Variants in FGF1 observed in about 807,000 individuals in gnomAD.
FGF1 encodes fibroblast growth factor 1, also known as beta-endothelial cell growth factor.
FGF1 carries 9 observed loss-of-function variants against 13.4 expected under a neutral mutation model. The ratio of observed to expected loss-of-function variants is 0.67; its 90% CI spans 0.40 to 1.17. The LOEUF (loss-of-function observed/expected upper bound fraction) is 1.17, where lower values mean the gene tolerates loss of function less well. Among genes scored for constraint, FGF1 ranks in the 50% most tolerant of loss-of-function variants. The pLI is 0.01. For missense variants in FGF1, 156 were observed against 192.7 expected (o/e 0.81, Z 1.13); for synonymous variants, 93 against 79.0 (o/e 1.18, Z -0.94).
chr5:142,636,958 A>G (rs1764351095), intron 1 of FGF1, among the ~76,000 whole-genome samples: 1 of 152,012 alleles, frequency 6.6e-6, no homozygotes, highest in Non-Finnish European at 1.5e-5. Flanking sequence ...GCATTTTTAA[A>G]ATGTCATTCT....
upstream of FGF1, chr5:142,686,159 A>G (rs1262706314): frequency 2.0e-5 from 3 of 152,014 alleles, no homozygotes; most frequent in African/African-American, 7.3e-5. Context: ...ACCATGCCAC[A>G]GAGCTGGCTA....
chr5:142,646,208 C>T (rs1221418621), intron 1 of FGF1, among the ~76,000 whole-genome samples: 3 of 54,942 alleles, frequency 5.5e-5, no homozygotes, highest in African/African-American at 1.4e-4. Context: ...CGCACCTGGC[C>T]TTTTTTTTTT....
rs370461010 is a variant in FGF1 at position 142,601,615 on chromosome 5, TA to T, written c.170-811del. Reference sequence around the variant, plus strand: ...TGAAGACAGTTTCTGTTGTCACAGCTAGGGGGGGCGGGTGCTACTGGCATCT... The same window carrying T: ...TGAAGACAGTTTCTGTTGTCACAGCTGGGGGGGCGGGTGCTACTGGCATCT... On this transcript the variant is annotated intron_variant, in intron 2 of 3. Transcript: ENST00000337706. Among the ~76,000 whole-genome samples, 303 of 151,784 alleles carry T rather than the reference TA, an allele frequency of 2.0e-3. 2 individuals carry two copies. Among genetic ancestry groups the T allele is most frequent in the African/African-American group, 6.6e-3 (274 of 41,332 alleles).
chr5:142,694,649 C>T (rs765462752), intron 2 of FGF1, among the ~76,000 whole-genome samples: 6 of 152,214 alleles, frequency 3.9e-5, no homozygotes, highest in Admixed American at 6.5e-5. Context: ...ACCCTGGTGG[C>T]GGGTAGGAGA....
At chr5:142,643,138 G>C (rs1043718180) in intron 1 of FGF1, among the ~76,000 whole-genome samples, 4 of 152,162 alleles carry the variant, frequency 2.6e-5, no homozygotes, top group Admixed American at 1.3e-4. Context: ...AAACCAGCTT[G>C]TACTGCCTAT....
At chr5:142,633,106 A>T (rs1763629913) in intron 1 of FGF1, among the ~76,000 whole-genome samples, 1 of 152,036 alleles carries the variant, frequency 6.6e-6, no homozygotes, top group Admixed American at 6.6e-5. Flanking sequence ...TTTTTAGTAG[A>T]GACGGGGTTT....
chr5:142,697,082 A>G (rs1753247922), intron 2 of FGF1, among the ~76,000 whole-genome samples: 1 of 152,206 alleles, frequency 6.6e-6, no homozygotes, highest in East Asian at 1.9e-4. Flanking sequence ...CTTGTTTTCA[A>G]CCAGAGAAAG....
intron 1 of FGF1, among the ~76,000 whole-genome samples, chr5:142,634,028 C>CAAAA (rs199629335): frequency 1.0e-4 from 15 of 144,448 alleles, no homozygotes; most frequent in African/African-American, 3.6e-4. Context: ...ACTAAAAATA[C>CAAAA]CAAAAAAAAA....
intron 2 of FGF1, among the ~76,000 whole-genome samples, chr5:142,603,173 C>A (rs1280042270): frequency 6.6e-6 from 1 of 152,218 alleles, no homozygotes; most frequent in Non-Finnish European, 1.5e-5. Flanking sequence ...AGTCACACCA[C>A]TTGCTCGCTC....
chr5:142,650,216 AC>A (rs1561667008), intron 1 of FGF1, among the ~76,000 whole-genome samples: 1 of 152,148 alleles, frequency 6.6e-6, no homozygotes, highest in African/African-American at 2.4e-5. Flanking sequence ...ACATTGACTG[AC>A]TGCTCTTCTA....
intron 1 of FGF1, among the ~76,000 whole-genome samples, chr5:142,640,156 A>G (rs1731087790): frequency 6.6e-6 from 1 of 152,038 alleles, no homozygotes; most frequent in East Asian, 1.9e-4. Flanking sequence ...AAACTCGAGA[A>G]GAAGAGACTG....
chr5:142,656,522 G>A (rs901787912), intron 1 of FGF1, among the ~76,000 whole-genome samples: 6 of 152,164 alleles, frequency 3.9e-5, no homozygotes, highest in Non-Finnish European at 8.8e-5. Context: ...CCCCGTGACT[G>A]ACAACTCCAG....
chr5:142,617,574 G>C (rs76886444), intron 1 of FGF1, among the ~76,000 whole-genome samples: 2,646 of 152,176 alleles, frequency 0.017, 79 homozygotes, highest in African/African-American at 0.059. Flanking sequence ...CTCAGTGAGA[G>C]GGAGCATCAT....
chr5:142,691,669 C>A (rs1487318874), intron 2 of FGF1, among the ~76,000 whole-genome samples: 1 of 152,018 alleles, frequency 6.6e-6, no homozygotes, highest in Non-Finnish European at 1.5e-5. Context: ...GGGCTCCAAC[C>A]TCAGAGTTTC....
At chr5:142,647,672 C>T (rs1766416753) in intron 1 of FGF1, among the ~76,000 whole-genome samples, 1 of 152,164 alleles carries the variant, frequency 6.6e-6, no homozygotes, top group Non-Finnish European at 1.5e-5. Context: ...TTATACAATA[C>T]TTATAATAAT....
intron 2 of FGF1, among the ~76,000 whole-genome samples, chr5:142,604,540 C>T (rs569013791): frequency 2.0e-5 from 3 of 152,202 alleles, no homozygotes; most frequent in Admixed American, 6.5e-5. Context: ...GTGTGATCAT[C>T]GGGCAAAGTA....
chr5:142,658,273 C>T (rs987440127), intron 1 of FGF1, among the ~76,000 whole-genome samples: 9 of 152,234 alleles, frequency 5.9e-5, no homozygotes, highest in African/African-American at 1.9e-4. Flanking sequence ...AGCAAATTCT[C>T]AAGCCTTATC....
At chr5:142,644,870 C>T (rs1384989102) in intron 1 of FGF1, among the ~76,000 whole-genome samples, 1 of 152,186 alleles carries the variant, frequency 6.6e-6, no homozygotes, top group East Asian at 1.9e-4. Flanking sequence ...CCTTAGCACA[C>T]ATGAGAGGAC....
At chr5:142,691,831 T>C (rs951573196) in intron 2 of FGF1, among the ~76,000 whole-genome samples, 15 of 152,318 alleles carry the variant, frequency 9.8e-5, no homozygotes, top group Middle Eastern at 3.4e-3. Context: ...GCATATACAT[T>C]TATTACATGA....
Sources: gnomAD v4.1 joint callset for allele counts (sites outside exome capture counted in the v4.1 genomes callset) on GRCh38, gnomAD v4.1.1 for gene constraint, MANE v1.5 for transcripts, NCBI Gene and HGNC (gene_info 2026-07-23, HGNC 2026-07-21) for gene names.